Variants in PLCD3 observed in about 807,000 individuals in gnomAD.
The protein encoded by PLCD3 is 1-phosphatidylinositol 4,5-bisphosphate phosphodiesterase delta-3.
In PLCD3, 62 loss-of-function variants were observed where a neutral mutation model predicts 82.8. The observed-to-expected ratio is 0.75, with a 90% CI of 0.61 to 0.93. The LOEUF is 0.93. Among genes scored for constraint, PLCD3 ranks in the 40% least tolerant of loss-of-function variants. PLCD3 has a pLI of 0.00. For synonymous variants in PLCD3, 478 were observed against 471.8 expected (o/e 1.01, Z -0.17); for missense variants, 1,023 against 1,103.4 (o/e 0.93, Z 1.03).
At position 45,113,154 on chromosome 17, in the gene PLCD3, GCA is replaced by G; in HGVS notation, c.2097_2098del (p.Ala700ProfsTer5). ...GAGCACGTAGTCAGTCTCCTGCCGG[GCA>G]CAGTCTGCGGGCACCCCATGGATCT... On this transcript the variant is annotated frameshift_variant, in exon 13 of 15. Transcript: ENST00000619929. LOFTEE classifies it high-confidence loss of function. 1.2e-6 allele frequency: 2 copies of G among 1,613,026 alleles called. No homozygotes were observed. Among genetic ancestry groups the G allele is most frequent in the Non-Finnish European group, 1.7e-6 (2 of 1,179,556 alleles).
chr17:45,132,252 C>CT lies in PLCD3; in HGVS notation c.158dup (p.Met54AspfsTer105). The CT allele has an allele frequency of 2.4e-6, 3 of 1,274,854 alleles. No individual in the cohort carries two copies. The South Asian group carries it at 1.1e-4, about 46-fold the overall frequency. The allele number at this position is 1,274,854 out of a possible 1,614,324, so 79.0% of individuals were successfully genotyped here. On this transcript the variant is annotated frameshift_variant, in exon 1 of 15. Transcript: ENST00000619929. LOFTEE classifies it high-confidence loss of function. The surrounding 1 kb of genome is among the most constrained non-coding windows in gnomAD (Gnocchi z 4.6). The stretch of plus-strand genomic sequence containing the variant: ...CGCCCCTTGCCCGTCACTGACCCAT[C>CT]TTCTTCAGCGCCCGCAGCCCGGGCC...
At chr17:45,120,839 GGGGCTCTCCAAGGTTA>G (rs1225957950) in intron 3 of PLCD3, 47 bp downstream of exon 3, 37 of 1,393,712 alleles carry the variant, frequency 2.7e-5, no homozygotes, top group Admixed American at 6.4e-5. Flanking sequence ...CTCCAAGGAT[GGGGCTCTCCAAGGTTA>G]GGGCTCTCCA....
chr17:45,124,457 G>A (rs1375918636), intron 1 of PLCD3, among the ~76,000 whole-genome samples: 3 of 148,746 alleles, frequency 2.0e-5, no homozygotes, highest in Non-Finnish European at 3.0e-5. Flanking sequence ...GAAGGAGGGT[G>A]CAGTCCCAGG....
In PLCD3 at chr17:45,118,805, C is replaced by G. The variant is rs184790858; in HGVS notation, c.913+10G>C. 3 of 1,559,150 alleles carry G rather than the reference C, an allele frequency of 1.9e-6. No individual in the cohort carries two copies. In the South Asian group the frequency reaches 3.4e-5, roughly 18 times the overall value. ...CAGGTGCCACGACCTGGCCGTGCCA[C>G]CCCCCCCACCTGTCTCGTTGAGCTC... On this transcript the variant is annotated intron_variant, in intron 5 of 14. Transcript: ENST00000619929. This position sits in a 1 kb window ranked among gnomAD's most constrained non-coding sequence, Gnocchi z 4.1.
Position 45,113,251 on chromosome 17 carries a change from T to C in PLCD3, c.2002A>G (p.Thr668Ala). 1.2e-6 allele frequency: 2 copies of C among 1,605,676 alleles called. No individual in the cohort carries two copies. The highest frequency in any genetic ancestry group is 1.7e-6 in the Non-Finnish European group (2 of 1,176,508). ...TTCAGCTTGGGCAGCTGCTGTGCAGTCAGCACCTGTGGGTGAGGGAGGGAG... is the reference window on the plus strand; with the variant it reads ...TTCAGCTTGGGCAGCTGCTGTGCAGCCAGCACCTGTGGGTGAGGGAGGGAG... The part of the protein sequence containing the change: ...PRTTLSIQVL[T>A]AQQLPKLNAE... Residue 668 changes from threonine to alanine, a missense_variant, in exon 13 of 15, where the codon ACT becomes GCT. Around this residue, in one of 3 missense-constraint regions of PLCD3, gnomAD observed 553 missense variants for 655.7 expected, o/e 0.84. Coordinates refer to ENST00000619929, the MANE Select transcript of PLCD3 (RefSeq NM_133373.5).
At position 45,118,646 on chromosome 17, in the gene PLCD3, C is replaced by T. The variant is rs3744761; in HGVS notation, c.914-154G>A. Among the ~76,000 whole-genome samples the T allele has an allele frequency of 0.043, 6,623 of 152,298 alleles. 191 individuals carry two copies. Among genetic ancestry groups the T allele is most frequent in the East Asian group, 0.16 (806 of 5,184 alleles). On this transcript the variant is annotated intron_variant, in intron 5 of 14. Transcript: ENST00000619929. The surrounding 1 kb of genome is among the most constrained non-coding windows in gnomAD (Gnocchi z 4.1). ...CATGCCACTTAACCTTCGACCAGACCCTGGGAGGAAGACAAACTGTTGTGC... is the reference window on the plus strand; with the variant it reads ...CATGCCACTTAACCTTCGACCAGACTCTGGGAGGAAGACAAACTGTTGTGC...
At position 45,118,639 on chromosome 17, in the gene PLCD3, A is replaced by G; in HGVS notation, c.914-147T>C. ...TGTAAGTCATGCCACTTAACCTTCG[A>G]CCAGACCCTGGGAGGAAGACAAACT... On this transcript the variant is annotated intron_variant, in intron 5 of 14. Coordinates refer to ENST00000619929, the MANE Select transcript of PLCD3 (RefSeq NM_133373.5). The surrounding 1 kb of genome is among the most constrained non-coding windows in gnomAD (Gnocchi z 4.1). 8.7e-7 allele frequency: 1 copy of G among 1,154,104 alleles called. No homozygotes were observed. The highest frequency in any genetic ancestry group is 1.2e-6 in the Non-Finnish European group (1 of 820,452). The allele number at this position is 1,154,104 out of a possible 1,614,324, so 71.5% of individuals were successfully genotyped here. A position where few individuals can be genotyped will look rare whatever the true frequency, so the allele number is the denominator to read the frequency against.
At chr17:45,114,200 CCCCA>C in intron 11 of PLCD3, 46 bp downstream of exon 11, 1 of 1,408,248 alleles carries the variant, frequency 7.1e-7, no homozygotes, top group Non-Finnish European at 9.6e-7. Flanking sequence ...CTGAGGCCTC[CCCCA>C]CACTGTGGCA....
intron 1 of PLCD3, among the ~76,000 whole-genome samples, chr17:45,124,834 G>A (rs1459571107): frequency 1.3e-5 from 2 of 152,242 alleles, no homozygotes; most frequent in African/African-American, 4.8e-5. Flanking sequence ...GCCAGTGACT[G>A]AGTGGGTGGA....
rs762317335 is a variant in PLCD3, at chr17:45,120,371, A to G, written c.638T>C (p.Met213Thr). Residue 213 changes from methionine to threonine, a missense_variant, in exon 4 of 15, where the codon ATG becomes ACG. By Grantham distance (81) the Met-to-Thr change is moderately conservative. This residue lies in a region of PLCD3 where 448 missense variants were observed against 406.3 expected (regional missense o/e 1.10). Coordinates refer to ENST00000619929, the MANE Select transcript of PLCD3 (RefSeq NM_133373.5). The part of the protein sequence containing the change: ...SFKEIKSLLR[M>T]VNVDMNDMYA... Reference sequence around the variant, plus strand: ...CATGTCGTTCATGTCCACGTTGACCATTCTCAGCAGGCTCTTGATCTCCTT... The same window carrying G: ...CATGTCGTTCATGTCCACGTTGACCGTTCTCAGCAGGCTCTTGATCTCCTT... 1.9e-6 allele frequency: 3 copies of G among 1,613,918 alleles called. No individual in the cohort carries two copies. In the South Asian group the frequency reaches 3.3e-5, roughly 18 times the overall value.
chr17:45,113,106 G>C lies in PLCD3; in HGVS notation c.2131+16C>G. On this transcript the variant is annotated intron_variant, in intron 13 of 14. Coordinates refer to ENST00000619929, the MANE Select transcript of PLCD3 (RefSeq NM_133373.5). ...TGCAGTCTCCCCCAACCCCACTTCC[G>C]CCAGTGGCTGCCCACCATTGTTGAG... 4 of 1,613,004 alleles carry C rather than the reference G, an allele frequency of 2.5e-6. No individual in the cohort carries two copies. The highest frequency in any genetic ancestry group is 3.4e-6 in the Non-Finnish European group (4 of 1,179,498).
intron 1 of PLCD3, among the ~76,000 whole-genome samples, chr17:45,128,869 CT>C (rs1291432034): frequency 6.6e-6 from 1 of 152,212 alleles, no homozygotes; most frequent in Non-Finnish European, 1.5e-5. Flanking sequence ...CTCCTGGGGG[CT>C]GGCAGGGCCC....
At chr17:45,119,722 T>C (rs964849754) in intron 4 of PLCD3, among the ~76,000 whole-genome samples, 1 of 152,182 alleles carries the variant, frequency 6.6e-6, no homozygotes, top group Non-Finnish European at 1.5e-5. Flanking sequence ...CCCAGCATCA[T>C]TGAACAAGTC....
intron 1 of PLCD3, among the ~76,000 whole-genome samples, chr17:45,127,963 G>C (rs1448344331): frequency 6.6e-6 from 1 of 152,146 alleles, no homozygotes; most frequent in East Asian, 1.9e-4. Context: ...CAGCAGCTGT[G>C]GCCAAGGCCG....
rs2054228540 is a variant in PLCD3 at position 45,109,932 on chromosome 17, G to A, written c.*2684C>T. ...CTCTACTAAAAACACAAAAAAATTA[G>A]CCGGGCATGGTGGTGGGCGCCTGTA... is the stretch of plus-strand genomic sequence containing the variant. On this transcript the variant is annotated 3_prime_UTR_variant, in exon 15 of 15. Coordinates refer to ENST00000619929, the MANE Select transcript of PLCD3 (RefSeq NM_133373.5). 1 of 152,016 alleles carries A rather than the reference G, an allele frequency of 6.6e-6. No homozygotes were observed. Among genetic ancestry groups the A allele is most frequent in the African/African-American group, 2.4e-5 (1 of 41,354 alleles). 9.4% of individuals were successfully genotyped at this position (152,016 alleles called of 1,614,324 possible). A position where few individuals can be genotyped will look rare whatever the true frequency, so the allele number is the denominator to read the frequency against.
chr17:45,114,719 G>A (rs561156293), intron 10 of PLCD3, among the ~76,000 whole-genome samples: 13 of 152,236 alleles, frequency 8.5e-5, no homozygotes, highest in African/African-American at 3.1e-4. Context: ...TCTGGAAAGC[G>A]CTCTCCCCTC....
Position 45,132,125 on chromosome 17 carries a change from C to T in PLCD3, c.163+123G>A, listed in dbSNP as rs1312915248. 16 of 1,087,888 alleles carry T rather than the reference C, an allele frequency of 1.5e-5. No individual in the cohort carries two copies. In the Admixed American group the frequency reaches 6.9e-4, roughly 47 times the overall value. 67.4% of individuals were successfully genotyped at this position (1,087,888 alleles called of 1,614,324 possible). ...AGCTGGAGGGAGCTGGCCCTCCGCC[C>T]CTAGCCATAGCCTCCCAGCCCCGTG... On this transcript the variant is annotated intron_variant, in intron 1 of 14. Transcript: ENST00000619929. This position sits in a 1 kb window ranked among gnomAD's most constrained non-coding sequence, Gnocchi z 4.6.
At chr17:45,128,485 A>G (rs1233855293) in intron 1 of PLCD3, among the ~76,000 whole-genome samples, 1 of 152,146 alleles carries the variant, frequency 6.6e-6, no homozygotes, top group African/African-American at 2.4e-5. Context: ...TGTTCTGAAG[A>G]CCCTCACCTG....
intron 1 of PLCD3, among the ~76,000 whole-genome samples, chr17:45,130,766 G>A (rs1227584537): frequency 2.0e-5 from 3 of 151,822 alleles, no homozygotes; most frequent in Non-Finnish European, 4.4e-5. Flanking sequence ...CCCTTTCTGG[G>A]GCTCCTGATG....
Sources: gnomAD v4.1 joint callset for allele counts (sites outside exome capture counted in the v4.1 genomes callset) on GRCh38, gnomAD v4.1.1 for gene constraint, gnomAD v4.1.1 regional missense constraint, Gnocchi (gnomAD v3.1) non-coding constraint, MANE v1.5 for transcripts, NCBI Gene and HGNC (gene_info 2026-07-23, HGNC 2026-07-21) for gene names.